WNK1: variants seen among roughly 807,000 people sequenced by gnomAD.
WNK1 encodes serine/threonine-protein kinase WNK1.
A neutral mutation model predicts 222.8 loss-of-function variants in WNK1; 38 were observed. That is an observed-to-expected ratio of 0.17 (90% CI 0.13 to 0.22). The LOEUF is 0.22. WNK1 is among the 10% of genes least tolerant of loss of function. The pLI is 1.00. For missense variants in WNK1, 2,348 were observed against 2,918.4 expected, an observed-to-expected ratio of 0.80 and a Z score of 4.50; for synonymous variants, 1,090 against 1,092.9, an observed-to-expected ratio of 1.00 and a Z score of 0.05.
Position 857,261 on chromosome 12 carries a change from CT to C in WNK1, c.1400+16del. On this transcript the variant is annotated intron_variant, in intron 5 of 27. Transcript: ENST00000315939. ...AACAAAGATGAAAGGTAAGTTGCCT[CT>C]TTTGATCTGGGTGATACTTGAACAA... 6.2e-7 allele frequency: 1 copy of C among 1,612,478 alleles called. No individual in the cohort carries two copies. Among genetic ancestry groups the C allele is most frequent in the Non-Finnish European group, 8.5e-7 (1 of 1,178,534 alleles).
intron 11 of WNK1, 57 bp downstream of exon 11, chr12:880,088 A>G: frequency 6.6e-7 from 1 of 1,519,500 alleles, no homozygotes; most frequent in Non-Finnish European, 9.1e-7. Context: ...GTAGATCATC[A>G]GGAACATGGA....
chr12:883,941 T>G, intron 17 of WNK1, 110 bp downstream of exon 17: 1 of 1,503,744 alleles, frequency 6.7e-7, no homozygotes, highest in East Asian at 2.3e-5. Flanking sequence ...GGCACGAGAA[T>G]CGCTTGAACC....
At chr12:807,711 CTTTTTTTTTTT>C (rs869122990) in intron 1 of WNK1, among the ~76,000 whole-genome samples, 26 of 78,774 alleles carry the variant, frequency 3.3e-4, no homozygotes, top group African/African-American at 1.1e-3. Context: ...AGCAATAATT[CTTTTTTTTTTT>C]TTTTTTTTTT....
At position 883,815 on chromosome 12, in the gene WNK1, C is replaced by G; in HGVS notation, c.3705C>G (p.Ser1235=). The G allele has an allele frequency of 6.2e-7, 1 of 1,614,044 alleles. No homozygotes were observed. The highest frequency in any genetic ancestry group is 8.5e-7 in the Non-Finnish European group (1 of 1,180,030). The part of the protein sequence containing the change: ...GEFKQPIPAS[S]MPQQIGIPTS... ...TCAAACAACCAATTCCTGCGTCTTC[C>G]ATGCCACAGCAAATAGGTGAATTTA... The change falls in exon 17 of 28, where the codon TCC becomes TCG. Residue 1235 remains serine (S), a synonymous_variant. Transcript: ENST00000315939.
At chr12:817,446 A>G (rs889514206) in intron 2 of WNK1, among the ~76,000 whole-genome samples, 1 of 152,256 alleles carries the variant, frequency 6.6e-6, no homozygotes, top group African/African-American at 2.4e-5. Context: ...GAAAACATTC[A>G]TATTCATTTC....
rs1343240844 is a variant in WNK1 at position 884,107 on chromosome 12, T to G, written c.3722-14T>G. On this transcript the variant is annotated splice_polypyrimidine_tract_variant and intron_variant, in intron 17 of 27. Coordinates refer to ENST00000315939, the MANE Select transcript of WNK1 (RefSeq NM_018979.4). The surrounding 1 kb of genome is among the most constrained non-coding windows in gnomAD (Gnocchi z 5.6). ...ATGCTATTAAGTTACGTTTGTTTGTTTGTTTTTGACCAGGCATTCCTACCA... is the reference window on the plus strand; with the variant it reads ...ATGCTATTAAGTTACGTTTGTTTGTGTGTTTTTGACCAGGCATTCCTACCA... 1 of 1,614,152 alleles carries G rather than the reference T, an allele frequency of 6.2e-7. No individual in the cohort carries two copies. Among genetic ancestry groups the G allele is most frequent in the African/African-American group, 1.3e-5 (1 of 75,058 alleles).
At chr12:836,469 A>G (rs1298628387) in intron 4 of WNK1, among the ~76,000 whole-genome samples, 2 of 152,222 alleles carry the variant, frequency 1.3e-5, no homozygotes, top group African/African-American at 4.8e-5. Flanking sequence ...TAGATTCTTG[A>G]TGTTTCAGAA....
rs182991875 is a variant in WNK1, at chr12:895,088, C to T, written c.5583+453C>T. ...TCTTTGTGTATAAAAATGTTTTCCA[C>T]GTTTAAAATAATTGTCCTAAGATTA... On this transcript the variant is annotated intron_variant, in intron 23 of 27. Coordinates refer to ENST00000315939, the MANE Select transcript of WNK1 (RefSeq NM_018979.4). 5.9e-5 allele frequency among the ~76,000 whole-genome samples: 9 copies of T among 152,270 alleles called. No individual in the cohort carries two copies. The East Asian group carries it at 7.7e-4, about 13-fold the overall frequency.
intron 1 of WNK1, among the ~76,000 whole-genome samples, chr12:771,146 T>TCC (rs1942435169): frequency 6.6e-6 from 1 of 151,976 alleles, no homozygotes; most frequent in Non-Finnish European, 1.5e-5. Context: ...TACAGGTGCA[T>TCC]GCCACCACGC....
chr12:868,869 A>G, intron 8 of WNK1: 1 of 1,611,588 alleles, frequency 6.2e-7, no homozygotes, highest in East Asian at 2.2e-5. Flanking sequence ...GGAAGCCCAG[A>G]ATATTCCAGT....
intron 1 of WNK1, among the ~76,000 whole-genome samples, chr12:790,258 T>G (rs747142113): frequency 1.3e-5 from 2 of 152,186 alleles, no homozygotes; most frequent in Non-Finnish European, 2.9e-5. Context: ...TTCATGTTTT[T>G]ATTTTTTATT....
intron 24 of WNK1, 81 bp from the exon 25 acceptor site, chr12:897,398 A>C (rs1933998476): frequency 4.4e-6 from 4 of 913,840 alleles, no homozygotes; most frequent in Non-Finnish European, 7.3e-6. Context: ...ACTTGAAAGC[A>C]GGTTTAGGAA....
At position 900,501 on chromosome 12, in the gene WNK1, T is replaced by C; in HGVS notation, c.6474T>C (p.Ala2158=). The change falls in exon 26 of 28, where the codon GCT becomes GCC. Residue 2158 remains alanine (A), a synonymous_variant. Coordinates refer to ENST00000315939, the MANE Select transcript of WNK1 (RefSeq NM_018979.4). ...LSGNLSGQSA[A]SVLHPQQTLH... is the part of the protein sequence containing the mutation. Reference sequence around the variant, plus strand: ...GTAACCTGTCTGGTCAGAGTGCAGCTTCAGTCTTGCACCCCCAGCAGACCC... The same window carrying C: ...GTAACCTGTCTGGTCAGAGTGCAGCCTCAGTCTTGCACCCCCAGCAGACCC... 6.2e-7 allele frequency: 1 copy of C among 1,614,148 alleles called. No homozygotes were observed. Among genetic ancestry groups the C allele is most frequent in the African/African-American group, 1.3e-5 (1 of 75,034 alleles).
rs532948120 is a variant in WNK1, at chr12:785,639, C to T, written c.760-28003C>T. Among the ~76,000 whole-genome samples, 27 of 152,228 alleles carry T rather than the reference C, an allele frequency of 1.8e-4. No individual in the cohort carries two copies. In the South Asian group the frequency reaches 5.2e-3, roughly 29 times the overall value. On this transcript the variant is annotated intron_variant, in intron 1 of 27. Transcript: ENST00000315939. ...ATCTGGATCTCCTGACCTCGTGATC[C>T]ACCCGCCTCAGCCTCCCAAAGTGCT...
intron 1 of WNK1, among the ~76,000 whole-genome samples, chr12:780,072 A>G (rs1342450442): frequency 6.6e-6 from 1 of 152,212 alleles, no homozygotes; most frequent in East Asian, 1.9e-4. Context: ...TCTTGGCAAG[A>G]AATATGAGTT....
At position 817,680 on chromosome 12, in the gene WNK1, T is replaced by A. The variant is rs576175480; in HGVS notation, c.932+3866T>A. Among the ~76,000 whole-genome samples the A allele has an allele frequency of 7.2e-5, 11 of 152,320 alleles. No homozygotes were observed. In the South Asian group the frequency reaches 1.5e-3, roughly 20 times the overall value. ...AAGGCCAGGCGTGGTAGTTCACACC[T>A]GTAATCCCAGCACTTTGAGAGGCTG... On this transcript the variant is annotated intron_variant, in intron 2 of 27. Coordinates refer to ENST00000315939, the MANE Select transcript of WNK1 (RefSeq NM_018979.4).
At chr12:794,891 A>G (rs1030269169) in intron 1 of WNK1, among the ~76,000 whole-genome samples, 2 of 152,098 alleles carry the variant, frequency 1.3e-5, no homozygotes, top group African/African-American at 2.4e-5. Flanking sequence ...AGCTAAGACT[A>G]TGGGTGCGTA....
chr12:775,716 T>G (rs1455009361), intron 1 of WNK1, among the ~76,000 whole-genome samples: 5 of 152,178 alleles, frequency 3.3e-5, no homozygotes, highest in Non-Finnish European at 7.4e-5. Context: ...GGGCTTGTGT[T>G]CTCAAATTGG....
chr12:820,596 T>C lies in WNK1; in HGVS notation c.933-6446T>C, dbSNP rs900167631. Among the ~76,000 whole-genome samples, 3 of 150,410 alleles carry C rather than the reference T, an allele frequency of 2.0e-5. No individual in the cohort carries two copies. In the East Asian group the frequency reaches 6.1e-4, roughly 30 times the overall value. On this transcript the variant is annotated intron_variant, in intron 2 of 27. Transcript: ENST00000315939. Reference sequence around the variant, plus strand: ...CTTAAAGGATCCTCCCACCTCAGCCTCCTGAGTAGCTGGGACTCCAGGTGT... The same window carrying C: ...CTTAAAGGATCCTCCCACCTCAGCCCCCTGAGTAGCTGGGACTCCAGGTGT...
Sources: allele counts gnomAD v4.1 joint callset (sites outside exome capture counted in the v4.1 genomes callset), GRCh38; gene constraint gnomAD v4.1.1; non-coding constraint Gnocchi (gnomAD v3.1); transcripts MANE v1.5; gene names NCBI Gene and HGNC (gene_info 2026-07-23, HGNC 2026-07-21).